Variants in PRH1 observed in about 807,000 individuals in gnomAD.
The protein encoded by PRH1 is salivary acidic proline-rich phosphoprotein 1/2.
PRH1 carries 7 observed loss-of-function variants against 7.9 expected under a neutral mutation model. The ratio of observed to expected loss-of-function variants is 0.89; its 90% CI spans 0.50 to 1.67. The LOEUF (loss-of-function observed/expected upper bound fraction) is 1.67. PRH1 is among the 40% of genes most tolerant of loss of function. The pLI is 0.00. For synonymous variants in PRH1, 45 were observed against 80.8 expected (o/e 0.56, Z 2.38); for missense variants, 109 against 223.6 (o/e 0.49, Z 3.27).
chr12:10,967,616 T>C (rs538988367), intron 2 of PRH1, among the ~76,000 whole-genome samples: 69 of 152,324 alleles, frequency 4.5e-4, no homozygotes, highest in Non-Finnish European at 8.7e-4. Context: ...TGATTTCATG[T>C]GATTAGCTTT....
chr12:10,986,741 C>CT (rs755088221), intron 1 of PRH1: 1 of 1,612,336 alleles, frequency 6.2e-7, no homozygotes, highest in African/African-American at 1.3e-5. Flanking sequence ...CTGAGGAGAT[C>CT]TTTTTTCTCT....
In PRH1 at chr12:10,905,023, A is replaced by AC. The variant is rs1171767265; in HGVS notation, c.-58-20749_-58-20748insG. 5.2e-4 allele frequency among the ~76,000 whole-genome samples: 79 copies of AC among 151,594 alleles called. No homozygotes were observed. The South Asian group carries it at 0.015, about 29-fold the overall frequency. On this transcript the variant is annotated intron_variant, in intron 2 of 3. Transcript: ENST00000539853. ...GCTACTATCAAAAAGTTAAAAAAAA[A>AC]AAAACAGATGCTAGTGAAGCTGTGG... is the stretch of plus-strand genomic sequence containing the variant.
intron 1 of PRH1, among the ~76,000 whole-genome samples, chr12:11,058,004 T>C (rs1468800565): frequency 1.4e-5 from 2 of 145,056 alleles, no homozygotes; most frequent in African/African-American, 5.0e-5. Flanking sequence ...ATTCCAGCAC[T>C]TTAGGAGGCT....
At chr12:11,127,453 T>A (rs367920801) in intron 1 of PRH1, among the ~76,000 whole-genome samples, 11 of 152,298 alleles carry the variant, frequency 7.2e-5, no homozygotes, top group Admixed American at 7.2e-4. Context: ...GTTGAATCAT[T>A]TTTTCAATGC....
In PRH1 at chr12:10,938,821, C is replaced by A. The variant is rs570619255; in HGVS notation, c.-59+34834G>T. 3.1e-6 allele frequency: 5 copies of A among 1,613,394 alleles called. No individual in the cohort carries two copies. In the African/African-American group the frequency reaches 6.7e-5, roughly 22 times the overall value. On this transcript the variant is annotated intron_variant, in intron 2 of 3. Transcript: ENST00000539853. Reference sequence around the variant, plus strand: ...AAGTCACAAGAAGCAGCACCAAAACCACCTTTTTAACCCTCCACTTTAGGT... The same window carrying A: ...AAGTCACAAGAAGCAGCACCAAAACAACCTTTTTAACCCTCCACTTTAGGT...
chr12:10,997,645 A>G lies in PRH1; in HGVS notation c.-125-23924T>C, dbSNP rs779976443. ...TAGAAATAAAAATTATTACTTTTAA[A>G]TTAGATGAAGTTGGATTCAACACAG... On this transcript the variant is annotated intron_variant, in intron 1 of 3. Coordinates refer to the PRH1 transcript ENST00000539853. 12 of 1,613,726 alleles carry G rather than the reference A, an allele frequency of 7.4e-6. 1 individual carries two copies. The South Asian group carries it at 9.9e-5, about 13-fold the overall frequency.
At chr12:11,047,199 A>G, upstream of PRH1, 1 of 342,990 alleles carries the variant, frequency 2.9e-6, no homozygotes, top group Non-Finnish European at 6.3e-6. Flanking sequence ...CTATGTCAAG[A>G]AACAAAATAA....
chr12:11,148,859 T>C (rs1412431934), intron 1 of PRH1, among the ~76,000 whole-genome samples: 1 of 133,764 alleles, frequency 7.5e-6, no homozygotes, highest in African/African-American at 2.7e-5. Context: ...TCAGAAGGAA[T>C]GGTACCAGTT....
intron 2 of PRH1, among the ~76,000 whole-genome samples, chr12:10,943,371 C>G (rs1018209413): frequency 1.3e-5 from 2 of 152,074 alleles, no homozygotes; most frequent in Non-Finnish European, 2.9e-5. Flanking sequence ...GTCACATGTA[C>G]GTCTTCTTTT....
At chr12:11,166,869 T>C (rs528574345) in intron 1 of PRH1, among the ~76,000 whole-genome samples, 1 of 152,312 alleles carries the variant, frequency 6.6e-6, no homozygotes, top group East Asian at 1.9e-4. Context: ...AAGGAATCCA[T>C]TTCCTTGCCA....
At chr12:11,105,904 T>C (rs2597961) in intron 1 of PRH1, among the ~76,000 whole-genome samples, 66,082 of 146,888 alleles carry the variant, frequency 0.45, 16,333 homozygotes, top group Non-Finnish European at 0.52. Flanking sequence ...TCTTAAAACC[T>C]GGTTGCTCCT....
intron 1 of PRH1, among the ~76,000 whole-genome samples, chr12:11,109,844 C>T (rs1385425204): frequency 6.6e-6 from 1 of 152,056 alleles, no homozygotes; most frequent in Non-Finnish European, 1.5e-5. Context: ...CACAAGTAGG[C>T]TTCAGAAGGT....
At chr12:11,033,069 A>T (rs1942295143) in intron 1 of PRH1, among the ~76,000 whole-genome samples, 2 of 152,202 alleles carry the variant, frequency 1.3e-5, no homozygotes, top group African/African-American at 4.8e-5. Context: ...CCCATCTCAA[A>T]TCACCACAGC....
intron 1 of PRH1, chr12:11,062,063 T>C (rs747300875): frequency 5.0e-6 from 8 of 1,613,604 alleles, no homozygotes; most frequent in South Asian, 3.3e-5. Flanking sequence ...CTTACTTCTA[T>C]ACTGTTAAAA....
intron 1 of PRH1, among the ~76,000 whole-genome samples, chr12:11,018,953 A>T (rs1941440865): frequency 1.4e-5 from 2 of 144,272 alleles, no homozygotes; most frequent in Admixed American, 1.4e-4. Flanking sequence ...CTAAAAAGTT[A>T]AGTAGAAAGC....
chr12:11,125,035 T>C (rs1170572900), intron 1 of PRH1, among the ~76,000 whole-genome samples: 2 of 151,902 alleles, frequency 1.3e-5, no homozygotes, highest in East Asian at 3.9e-4. Context: ...AAGAGATGGG[T>C]TTTCACTATA....
chr12:11,071,126 G>C (rs1944047868), intron 1 of PRH1, among the ~76,000 whole-genome samples: 1 of 27,548 alleles, frequency 3.6e-5, no homozygotes, highest in South Asian at 1.5e-3. Flanking sequence ...TGTGCTCCGA[G>C]ACCAATCTCT....
intron 2 of PRH1, among the ~76,000 whole-genome samples, chr12:10,901,375 C>T (rs145780594): frequency 5.9e-5 from 9 of 152,234 alleles, no homozygotes; most frequent in South Asian, 2.1e-4. Flanking sequence ...AACTTGGAGC[C>T]GAGGGGGTTA....
intron 2 of PRH1, among the ~76,000 whole-genome samples, chr12:10,943,825 A>G (rs1167032958): frequency 6.6e-6 from 1 of 152,154 alleles, no homozygotes; most frequent in Non-Finnish European, 1.5e-5. Flanking sequence ...ATTAAATACG[A>G]AGTCTTGTTC....
Sources: allele counts gnomAD v4.1 joint callset (sites outside exome capture counted in the v4.1 genomes callset), GRCh38; gene constraint gnomAD v4.1.1; transcripts MANE v1.5; gene names NCBI Gene and HGNC (gene_info 2026-07-23, HGNC 2026-07-21).